Variants in SIRPA observed in about 807,000 individuals in gnomAD.
The protein encoded by SIRPA is tyrosine-protein phosphatase non-receptor type substrate 1.
SIRPA carries 9 observed loss-of-function variants against 50.3 expected under a neutral mutation model. The observed-to-expected ratio is 0.18, with a 90% CI of 0.11 to 0.31. The LOEUF (loss-of-function observed/expected upper bound fraction) is 0.31. SIRPA is among the 10% of genes least tolerant of loss of function. The pLI, the probability that SIRPA is intolerant of heterozygous loss-of-function variation, is 1.00. For missense variants in SIRPA, 474 were observed against 661.6 expected, an observed-to-expected ratio of 0.72 and a Z score of 3.11; for synonymous variants, 265 against 284.1, an observed-to-expected ratio of 0.93 and a Z score of 0.68.
rs1317164087 is a variant in SIRPA at position 1,927,951 on chromosome 20, A to G, written c.1226+52A>G. ...CTTGCAGTTATTATTTGGTTATTTGACAGCCCCCCAGACTACAAAGCATAA... is the reference window on the plus strand; with the variant it reads ...CTTGCAGTTATTATTTGGTTATTTGGCAGCCCCCCAGACTACAAAGCATAA... On this transcript the variant is annotated intron_variant, in intron 6 of 7. Transcript: ENST00000358771. The surrounding 1 kb of genome is among the most constrained non-coding windows in gnomAD (Gnocchi z 6.5). 1 of 1,489,176 alleles carries G rather than the reference A, an allele frequency of 6.7e-7. No homozygotes were observed. Among genetic ancestry groups the G allele is most frequent in the Non-Finnish European group, 9.4e-7 (1 of 1,066,208 alleles). The allele number at this position is 1,489,176 out of a possible 1,614,324, so 92.2% of individuals were successfully genotyped here. A position where few individuals can be genotyped will look rare whatever the true frequency, so the allele number is the denominator to read the frequency against.
rs941965742 is a variant in SIRPA at position 1,933,370 on chromosome 20, T to C, written c.1227-1345T>C. Among the ~76,000 whole-genome samples the C allele has an allele frequency of 1.3e-5, 2 of 151,400 alleles. No individual in the cohort carries two copies. The highest frequency in any genetic ancestry group is 4.9e-5 in the African/African-American group (2 of 41,110). On this transcript the variant is annotated intron_variant, in intron 6 of 7. Transcript: ENST00000358771. This position sits in a 1 kb window ranked among gnomAD's most constrained non-coding sequence, Gnocchi z 4.4. ...TCAAAGGGGTCCTTCGAGGCTGCTA[T>C]TGAAGCATGAAGTACATAACATCAA...
rs926706424 is a variant in SIRPA, at chr20:1,937,967, GACCTCCACC to G, written c.*412_*420del. 8 of 193,386 alleles carry G rather than the reference GACCTCCACC, an allele frequency of 4.1e-5. No homozygotes were observed. Among genetic ancestry groups the G allele is most frequent in the Admixed American group, 2.8e-4 (5 of 18,066 alleles). 12.0% of individuals were successfully genotyped at this position (193,386 alleles called of 1,614,324 possible). ...GGGAGGAGAAAATCCCACCTCCCCTGACCTCCACCACCTCCACCACCACCACCACCACCA... is the reference window on the plus strand; with the variant it reads ...GGGAGGAGAAAATCCCACCTCCCCTGACCTCCACCACCACCACCACCACCA... On this transcript the variant is annotated 3_prime_UTR_variant, in exon 8 of 8. Transcript: ENST00000358771. This position sits in a 1 kb window ranked among gnomAD's most constrained non-coding sequence, Gnocchi z 8.3.
chr20:1,919,874 A>G (rs891141220), intron 2 of SIRPA, among the ~76,000 whole-genome samples: 3 of 152,182 alleles, frequency 2.0e-5, no homozygotes, highest in Non-Finnish European at 2.9e-5. Flanking sequence ...CATGAGCCAC[A>G]GGGAGCAGGG....
upstream of SIRPA, chr20:1,895,351 GA>G (rs1304654022): frequency 1.2e-5 from 8 of 676,762 alleles, no homozygotes; most frequent in Non-Finnish European, 1.5e-5. Context: ...CGGGAGGGGG[GA>G]AGGGGGGGAG....
rs1270791245 is a variant in SIRPA at position 1,937,895 on chromosome 20, AC to A, written c.*330del. On this transcript the variant is annotated 3_prime_UTR_variant, in exon 8 of 8. Coordinates refer to ENST00000358771, the MANE Select transcript of SIRPA (RefSeq NM_001040023.2). The surrounding 1 kb of genome is among the most constrained non-coding windows in gnomAD (Gnocchi z 8.3). ...GTCCATCACCATGTGGGTTTTGAAG[AC>A]CCTCGACTGCCTCCCCGATGCTCCG... is the stretch of plus-strand genomic sequence containing the variant. 1 of 319,660 alleles carries A rather than the reference AC, an allele frequency of 3.1e-6. No individual in the cohort carries two copies. Among genetic ancestry groups the A allele is most frequent in the Non-Finnish European group, 5.9e-6 (1 of 168,764 alleles). 19.8% of individuals were successfully genotyped at this position (319,660 alleles called of 1,614,324 possible).
intron 1 of SIRPA, 63 bp downstream of exon 1, chr20:1,895,589 TGGCAC>T: frequency 8.0e-7 from 1 of 1,243,180 alleles, no homozygotes; most frequent in South Asian, 1.9e-5. Context: ...CCTCTCAGAC[TGGCAC>T]TGGGACCCCT....
At position 1,936,562 on chromosome 20, in the gene SIRPA, C is replaced by T. The variant is rs140322980; in HGVS notation, c.1267-758C>T. 3.8e-3 allele frequency among the ~76,000 whole-genome samples: 580 copies of T among 152,316 alleles called. 3 individuals carry two copies. The highest frequency in any genetic ancestry group is 0.013 in the African/African-American group (546 of 41,572). On this transcript the variant is annotated intron_variant, in intron 7 of 7. Coordinates refer to ENST00000358771, the MANE Select transcript of SIRPA (RefSeq NM_001040023.2). This position sits in a 1 kb window ranked among gnomAD's most constrained non-coding sequence, Gnocchi z 4.2. Reference sequence around the variant, plus strand: ...TTCCCGCTTCACTAACTGGCGATCTCGTTCTTATACTGCCCCTGTTCTCTG... The same window carrying T: ...TTCCCGCTTCACTAACTGGCGATCTTGTTCTTATACTGCCCCTGTTCTCTG...
chr20:1,927,115 G>A lies in SIRPA; in HGVS notation c.1202-760G>A, dbSNP rs893383091. Among the ~76,000 whole-genome samples the A allele has an allele frequency of 1.3e-5, 2 of 152,252 alleles. No homozygotes were observed. The highest frequency in any genetic ancestry group is 2.4e-5 in the African/African-American group (1 of 41,468). Reference sequence around the variant, plus strand: ...TCCAGGACCTGCCCAGGCAGCAAGCGTTAACCCAGCAGCAAGAATTCTTGC... The same window carrying A: ...TCCAGGACCTGCCCAGGCAGCAAGCATTAACCCAGCAGCAAGAATTCTTGC... On this transcript the variant is annotated intron_variant, in intron 5 of 7. Coordinates refer to ENST00000358771, the MANE Select transcript of SIRPA (RefSeq NM_001040023.2). This position sits in a 1 kb window ranked among gnomAD's most constrained non-coding sequence, Gnocchi z 6.5.
At position 1,928,689 on chromosome 20, in the gene SIRPA, C is replaced by T. The variant is rs1281546846; in HGVS notation, c.1226+790C>T. 6.6e-6 allele frequency among the ~76,000 whole-genome samples: 1 copy of T among 152,042 alleles called. No individual in the cohort carries two copies. The highest frequency in any genetic ancestry group is 1.5e-5 in the Non-Finnish European group (1 of 68,012). ...ACTGCCTCTGAAAAGGGGATGCAAA[C>T]GGGTGCCTGAAACTAGTGAGCTATG... On this transcript the variant is annotated intron_variant, in intron 6 of 7. Coordinates refer to ENST00000358771, the MANE Select transcript of SIRPA (RefSeq NM_001040023.2). This position sits in a 1 kb window ranked among gnomAD's most constrained non-coding sequence, Gnocchi z 4.9.
At chr20:1,910,237 C>T (rs1448502877) in intron 1 of SIRPA, among the ~76,000 whole-genome samples, 1 of 152,174 alleles carries the variant, frequency 6.6e-6, no homozygotes, top group African/African-American at 2.4e-5. Flanking sequence ...GCAGCACTGA[C>T]CGCACTTGCT....
intron 2 of SIRPA, among the ~76,000 whole-genome samples, chr20:1,920,787 T>C (rs1353045136): frequency 1.3e-5 from 2 of 152,234 alleles, no homozygotes; most frequent in African/African-American, 2.4e-5. Flanking sequence ...GTTAGATCTG[T>C]TTTTGCTTAT....
intron 1 of SIRPA, among the ~76,000 whole-genome samples, chr20:1,909,762 A>G (rs1452643719): frequency 1.3e-5 from 2 of 152,246 alleles, no homozygotes; most frequent in Admixed American, 1.3e-4. Flanking sequence ...AGCCTGGGTG[A>G]TGAGAGTGAG....
At chr20:1,911,362 A>T (rs997954955) in intron 1 of SIRPA, among the ~76,000 whole-genome samples, 11 of 152,212 alleles carry the variant, frequency 7.2e-5, no homozygotes, top group African/African-American at 2.7e-4. Context: ...TGATGGTATG[A>T]TGTGAGATTA....
chr20:1,915,588 C>T, intron 2 of SIRPA, 133 bp downstream of exon 2: 2 of 1,134,482 alleles, frequency 1.8e-6, no homozygotes, highest in Non-Finnish European at 2.6e-6. Context: ...CCCCCTTTTA[C>T]AAATAAGGGA....
chr20:1,895,415 C>T lies in SIRPA; in HGVS notation c.-33C>T. The T allele has an allele frequency of 7.5e-7, 1 of 1,337,468 alleles. No homozygotes were observed. The highest frequency in any genetic ancestry group is 9.6e-7 in the Non-Finnish European group (1 of 1,036,936). The allele number at this position is 1,337,468 out of a possible 1,614,324, so 82.9% of individuals were successfully genotyped here. A position where few individuals can be genotyped will look rare whatever the true frequency, so the allele number is the denominator to read the frequency against. ...CTCCCGCCCGAGCGCGCACTCACGG[C>T]CGCTCTCCCTCCTCGCTCCGCAGCC... On this transcript the variant is annotated 5_prime_UTR_variant, in exon 1 of 8. Coordinates refer to ENST00000358771, the MANE Select transcript of SIRPA (RefSeq NM_001040023.2).
intron 1 of SIRPA, among the ~76,000 whole-genome samples, chr20:1,909,155 G>A (rs1446477268): frequency 6.6e-6 from 1 of 152,260 alleles, no homozygotes; most frequent in Non-Finnish European, 1.5e-5. Flanking sequence ...TGAGCCCTGT[G>A]TACTGCCAGA....
At chr20:1,921,848 A>G in intron 3 of SIRPA, 136 bp downstream of exon 3, 5 of 697,930 alleles carry the variant, frequency 7.2e-6, no homozygotes, top group Non-Finnish European at 9.6e-6. Flanking sequence ...CCCACCTCCC[A>G]TGCCCCTAGA....
chr20:1,914,547 C>G (rs75979966), intron 1 of SIRPA, among the ~76,000 whole-genome samples: 2 of 150,862 alleles, frequency 1.3e-5, no homozygotes, highest in African/African-American at 2.4e-5. Flanking sequence ...CACACTGGCA[C>G]GAGTCTACAT....
At position 1,928,683 on chromosome 20, in the gene SIRPA, T is replaced by C. The variant is rs1222770650; in HGVS notation, c.1226+784T>C. ...GAAGGGACTGCCTCTGAAAAGGGGATGCAAACGGGTGCCTGAAACTAGTGA... is the reference window on the plus strand; with the variant it reads ...GAAGGGACTGCCTCTGAAAAGGGGACGCAAACGGGTGCCTGAAACTAGTGA... On this transcript the variant is annotated intron_variant, in intron 6 of 7. Transcript: ENST00000358771. This position sits in a 1 kb window ranked among gnomAD's most constrained non-coding sequence, Gnocchi z 4.9. Among the ~76,000 whole-genome samples the C allele has an allele frequency of 6.6e-6, 1 of 152,040 alleles. No individual in the cohort carries two copies. The highest frequency in any genetic ancestry group is 2.4e-5 in the African/African-American group (1 of 41,362).
Sources: allele counts gnomAD v4.1 joint callset (sites outside exome capture counted in the v4.1 genomes callset), GRCh38; gene constraint gnomAD v4.1.1; non-coding constraint Gnocchi (gnomAD v3.1); transcripts MANE v1.5; gene names NCBI Gene and HGNC (gene_info 2026-07-23, HGNC 2026-07-21).